Variants in WNK1 observed in about 807,000 individuals in gnomAD.
WNK1 encodes the protein serine/threonine-protein kinase WNK1.
A neutral mutation model predicts 222.8 loss-of-function variants in WNK1; 38 were observed. The observed-to-expected ratio is 0.17, with a 90% confidence interval of 0.13 to 0.22. The LOEUF is 0.22. Ranked by LOEUF, WNK1 falls within the 10% of genes least tolerant of loss-of-function variation. WNK1 has a pLI of 1.00. For synonymous variants in WNK1, 1,090 were observed against 1,092.9 expected (o/e 1.00, Z 0.05); for missense variants, 2,348 against 2,918.4 (o/e 0.80, Z 4.50).
At position 823,976 on chromosome 12, in the gene WNK1, G is replaced by A. The variant is rs535726999; in HGVS notation, c.933-3066G>A. ...GGGCGGAGTGCAGTGGCGTGATCTC[G>A]GCTAACTGCAACCTCTGCCTCCCGG... On this transcript the variant is annotated intron_variant, in intron 2 of 27. Transcript: ENST00000315939. Among the ~76,000 whole-genome samples the A allele has an allele frequency of 2.1e-4, 31 of 146,882 alleles. No individual in the cohort carries two copies. The East Asian group carries it at 5.2e-3, about 25-fold the overall frequency.
Position 868,120 on chromosome 12 carries a change from C to T in WNK1, c.2140-3145C>T, listed in dbSNP as rs760835743. The T allele has an allele frequency of 1.1e-5, 18 of 1,613,834 alleles. No individual in the cohort carries two copies. Among genetic ancestry groups the T allele is most frequent in the African/African-American group, 6.7e-5 (5 of 74,892 alleles). ...GCCCAACTAACTGGACACCAGAGGC[C>T]GTAGTTATGTTGGGTACTACAGCCA... On this transcript the variant is annotated intron_variant, in intron 8 of 27. Coordinates refer to ENST00000315939, the MANE Select transcript of WNK1 (RefSeq NM_018979.4).
intron 3 of WNK1, 54 bp from the exon 4 acceptor site, chr12:829,949 G>A: frequency 6.2e-7 from 1 of 1,604,494 alleles, no homozygotes; most frequent in Non-Finnish European, 8.5e-7. Flanking sequence ...ACCCCGGTGA[G>A]TAACGTCTGA....
intron 1 of WNK1, among the ~76,000 whole-genome samples, chr12:776,412 T>TTGTGTGTGTGTG (rs59148357): frequency 0.066 from 9,575 of 146,128 alleles, 417 homozygotes; most frequent in East Asian, 0.17. Context: ...GTTTGTGTGT[T>TTGTGTGTGTGTG]TGTGTGTGTG....
chr12:900,660 T>C lies in WNK1; in HGVS notation c.6633T>C (p.Ala2211=), dbSNP rs1955178694. The change falls in exon 26 of 28, where the codon GCT becomes GCC. Residue 2211 remains alanine (A), a synonymous_variant. Coordinates refer to ENST00000315939, the MANE Select transcript of WNK1 (RefSeq NM_018979.4). ...DGAISVPSLS[A]PGQGTSSTNT... ...CCATTTCAGTACCAAGCCTTTCTGCTCCAGGTCAAGGTAATAAAGCAACCA... is the reference window on the plus strand; with the variant it reads ...CCATTTCAGTACCAAGCCTTTCTGCCCCAGGTCAAGGTAATAAAGCAACCA... 6.2e-7 allele frequency: 1 copy of C among 1,614,012 alleles called. No individual in the cohort carries two copies. The highest frequency in any genetic ancestry group is 1.3e-5 in the African/African-American group (1 of 74,894).
chr12:859,631 T>TGTGTGTGTGTGTGTG (rs111327474), intron 6 of WNK1, among the ~76,000 whole-genome samples, 167 bp downstream of exon 6: 15 of 80,982 alleles, frequency 1.9e-4, no homozygotes, highest in South Asian at 7.5e-4. Context: ...CGTGTGTGTG[T>TGTGTGTGTGTGTGTG]GTTTTTTTTT....
chr12:864,442 T>C (rs1227325753), intron 8 of WNK1, among the ~76,000 whole-genome samples: 1 of 152,192 alleles, frequency 6.6e-6, no homozygotes, highest in Non-Finnish European at 1.5e-5. Context: ...AGATTGAAGA[T>C]ATTCTCCCAT....
At position 782,831 on chromosome 12, in the gene WNK1, T is replaced by TA. The variant is rs1005766503; in HGVS notation, c.759+28516dup. Among the ~76,000 whole-genome samples the TA allele has an allele frequency of 6.9e-4, 103 of 149,688 alleles. 1 individual carries two copies. The highest frequency in any genetic ancestry group is 2.2e-3 in the African/African-American group (90 of 40,850). The stretch of plus-strand genomic sequence containing the variant: ...GTTTAAATTTTCTAGTAGCCACATT[T>TA]AAAAAAAAACAGGTGGAATTAATTT... On this transcript the variant is annotated intron_variant, in intron 1 of 27. Transcript: ENST00000315939.
At chr12:864,201 G>A (rs953399627) in intron 8 of WNK1, among the ~76,000 whole-genome samples, 3 of 148,136 alleles carry the variant, frequency 2.0e-5, no homozygotes, top group Admixed American at 1.4e-4. Context: ...TTCACCTCCT[G>A]GGTTCAAGTG....
intron 2 of WNK1, among the ~76,000 whole-genome samples, chr12:817,278 A>G (rs952521770): frequency 6.6e-5 from 10 of 151,924 alleles, no homozygotes; most frequent in African/African-American, 1.4e-4. Flanking sequence ...GGAGGTTGCA[A>G]TGAGCCGAGA....
intron 7 of WNK1, among the ~76,000 whole-genome samples, chr12:861,570 A>C (rs1179568923): frequency 6.6e-6 from 1 of 152,216 alleles, no homozygotes; most frequent in Non-Finnish European, 1.5e-5. Context: ...TAATTTTATA[A>C]GCTTCAACAT....
chr12:771,816 A>T (rs949704092), intron 1 of WNK1, among the ~76,000 whole-genome samples: 10 of 152,100 alleles, frequency 6.6e-5, no homozygotes, highest in South Asian at 2.1e-4. Flanking sequence ...GTAATTTTTT[A>T]AAATTATTTT....
intron 20 of WNK1, 68 bp downstream of exon 20, chr12:887,372 C>A: frequency 6.7e-7 from 1 of 1,503,396 alleles, no homozygotes; most frequent in South Asian, 1.1e-5. Context: ...TGAAGTTCTC[C>A]ACTACGTGGT....
At chr12:825,782 T>G (rs1290325267) in intron 2 of WNK1, among the ~76,000 whole-genome samples, 1 of 152,218 alleles carries the variant, frequency 6.6e-6, no homozygotes, top group Non-Finnish European at 1.5e-5. Flanking sequence ...GCATATCATA[T>G]ATATCACAGT....
At chr12:869,278 C>A in intron 8 of WNK1, 2 of 860,604 alleles carry the variant, frequency 2.3e-6, no homozygotes, top group South Asian at 3.5e-5. Context: ...CATTTAAAAA[C>A]AAAATGTGAG....
intron 7 of WNK1, 108 bp downstream of exon 7, chr12:861,451 T>G (rs991277505): frequency 2.0e-6 from 2 of 1,004,242 alleles, no homozygotes; most frequent in Non-Finnish European, 3.0e-6. Flanking sequence ...TGAATCCTAC[T>G]ATTATACAAA....
chr12:903,469 ATGTC>A (rs1356449815), intron 26 of WNK1, among the ~76,000 whole-genome samples: 2 of 152,170 alleles, frequency 1.3e-5, no homozygotes, highest in African/African-American at 4.8e-5. Context: ...AGAATGTGAC[ATGTC>A]AGGCCTATGG....
At chr12:803,890 A>G (rs1453886229) in intron 1 of WNK1, among the ~76,000 whole-genome samples, 1 of 152,252 alleles carries the variant, frequency 6.6e-6, no homozygotes, top group African/African-American at 2.4e-5. Flanking sequence ...GTAATATGCT[A>G]AAACCAATCC....
chr12:787,864 G>T (rs1944462743), intron 1 of WNK1, among the ~76,000 whole-genome samples: 1 of 152,060 alleles, frequency 6.6e-6, no homozygotes, highest in Admixed American at 6.6e-5. Flanking sequence ...TAATTTTAGT[G>T]TGAAAAATGG....
chr12:795,546 G>A (rs1354739522), intron 1 of WNK1, among the ~76,000 whole-genome samples: 1 of 152,096 alleles, frequency 6.6e-6, no homozygotes, highest in Non-Finnish European at 1.5e-5. Flanking sequence ...CACCATTGAT[G>A]TAAGACATGA....
Sources: allele counts gnomAD v4.1 joint callset (sites outside exome capture counted in the v4.1 genomes callset), GRCh38; gene constraint gnomAD v4.1.1; transcripts MANE v1.5; gene names NCBI Gene and HGNC (gene_info 2026-07-23, HGNC 2026-07-21).